MTUS2: variants seen among roughly 807,000 people sequenced by gnomAD.
MTUS2 encodes microtubule-associated tumor suppressor candidate 2.
A neutral mutation model predicts 114.1 loss-of-function variants in MTUS2; 40 were observed. The ratio of observed to expected loss-of-function variants is 0.35; its 90% CI spans 0.27 to 0.46. The LOEUF (loss-of-function observed/expected upper bound fraction) is 0.46, where lower values mean the gene tolerates loss of function less well. MTUS2 is among the 20% of genes least tolerant of loss of function. The pLI, the probability that MTUS2 is intolerant of heterozygous loss-of-function variation, is 1.00. For missense variants in MTUS2, 1,679 were observed against 1,705.4 expected, an observed-to-expected ratio of 0.98 and a Z score of 0.27; for synonymous variants, 688 against 672.0, an observed-to-expected ratio of 1.02 and a Z score of -0.37.
At chr13:29,313,508 A>T (rs925789765) in intron 6 of MTUS2, among the ~76,000 whole-genome samples, 1 of 152,194 alleles carries the variant, frequency 6.6e-6, no homozygotes, top group Non-Finnish European at 1.5e-5. Flanking sequence ...ACATTCATCT[A>T]TAGGTTGGAG....
At chr13:29,156,952 ATATAGT>A (rs1892886925) in intron 5 of MTUS2, among the ~76,000 whole-genome samples, 1 of 152,180 alleles carries the variant, frequency 6.6e-6, no homozygotes, top group Non-Finnish European at 1.5e-5. Context: ...TGTGAATAAT[ATATAGT>A]ATTGTCTTTA....
chr13:29,282,220 A>G (rs918606881), intron 6 of MTUS2, among the ~76,000 whole-genome samples: 10 of 152,362 alleles, frequency 6.6e-5, no homozygotes, highest in African/African-American at 2.2e-4. Flanking sequence ...GCCTCCAGGA[A>G]TGAGCCCCAG....
intron 7 of MTUS2, among the ~76,000 whole-genome samples, chr13:29,328,181 C>G (rs981229369): frequency 6.6e-5 from 8 of 120,842 alleles, no homozygotes; most frequent in Admixed American, 9.8e-5. Flanking sequence ...AAATAGTATT[C>G]ATTTTCCATA....
At chr13:29,178,708 A>G (rs1276787627) in intron 5 of MTUS2, among the ~76,000 whole-genome samples, 2 of 152,178 alleles carry the variant, frequency 1.3e-5, no homozygotes, top group African/African-American at 4.8e-5. Flanking sequence ...TTTTCTCAAT[A>G]GAAATGTATT....
intron 5 of MTUS2, among the ~76,000 whole-genome samples, chr13:29,129,405 G>T (rs1278028165): frequency 2.0e-5 from 3 of 152,078 alleles, no homozygotes; most frequent in Non-Finnish European, 4.4e-5. Context: ...TGGATTCCCT[G>T]TGCAAAAGAC....
intron 5 of MTUS2, among the ~76,000 whole-genome samples, chr13:29,103,575 A>T (rs75841076): frequency 0.013 from 2,037 of 152,326 alleles, 56 homozygotes; most frequent in African/African-American, 0.047. Context: ...GTGAATGAAT[A>T]TGAAGGTCTA....
intron 2 of MTUS2, among the ~76,000 whole-genome samples, chr13:28,998,984 G>C (rs1252720220): frequency 6.6e-6 from 1 of 152,002 alleles, no homozygotes; most frequent in East Asian, 1.9e-4. Flanking sequence ...TAGAGTTTCC[G>C]GTTTTTCTGC....
At chr13:29,186,166 A>G (rs1894215542) in intron 5 of MTUS2, among the ~76,000 whole-genome samples, 1 of 152,246 alleles carries the variant, frequency 6.6e-6, no homozygotes. Flanking sequence ...GTGAGCTGTT[A>G]TCTCACCACT....
At chr13:29,136,601 A>G (rs61945869) in intron 5 of MTUS2, among the ~76,000 whole-genome samples, 6,391 of 152,274 alleles carry the variant, frequency 0.042, 188 homozygotes, top group Non-Finnish European at 0.056. Context: ...AAAGTCCAAA[A>G]GGACTGGTCT....
chr13:29,340,425 C>A (rs1901334215), intron 7 of MTUS2, among the ~76,000 whole-genome samples: 1 of 152,172 alleles, frequency 6.6e-6, no homozygotes, highest in Non-Finnish European at 1.5e-5. Context: ...AAAAACAAAT[C>A]ATTTACTCAT....
chr13:29,106,377 T>A (rs1890668658), intron 5 of MTUS2, among the ~76,000 whole-genome samples: 1 of 152,126 alleles, frequency 6.6e-6, no homozygotes. Flanking sequence ...GCCTGCTGAT[T>A]TTTTGGAGAC....
At chr13:29,003,510 C>G (rs1346954859) in intron 2 of MTUS2, among the ~76,000 whole-genome samples, 3 of 152,172 alleles carry the variant, frequency 2.0e-5, no homozygotes, top group Non-Finnish European at 4.4e-5. Flanking sequence ...ACTTCGTGTC[C>G]TAATTCAAGT....
chr13:29,444,151 C>T (rs1753991813), intron 9 of MTUS2, among the ~76,000 whole-genome samples: 1 of 152,156 alleles, frequency 6.6e-6, no homozygotes. Context: ...GGACTGAGCA[C>T]AGCGGCTCAC....
intron 5 of MTUS2, among the ~76,000 whole-genome samples, chr13:29,143,364 G>A (rs575941212): frequency 6.6e-6 from 1 of 152,042 alleles, no homozygotes; most frequent in African/African-American, 2.4e-5. Flanking sequence ...TCTAAATTTG[G>A]TGCTCCATAT....
At chr13:29,475,153 A>G (rs745648874) in intron 9 of MTUS2, among the ~76,000 whole-genome samples, 1 of 152,218 alleles carries the variant, frequency 6.6e-6, no homozygotes, top group Non-Finnish European at 1.5e-5. Flanking sequence ...GACCTCATGT[A>G]CAAAGGTGGT....
intron 1 of MTUS2, among the ~76,000 whole-genome samples, chr13:28,833,816 T>C (rs1481139749): frequency 6.6e-6 from 1 of 152,072 alleles, no homozygotes; most frequent in Non-Finnish European, 1.5e-5. Flanking sequence ...ATACACAGAC[T>C]GTGAGAACTA....
At chr13:29,466,802 G>A (rs762235877) in intron 9 of MTUS2, among the ~76,000 whole-genome samples, 79 of 150,594 alleles carry the variant, frequency 5.2e-4, no homozygotes, top group Non-Finnish European at 9.7e-4. Flanking sequence ...ACTTGAGCCT[G>A]GGAGGCGGAG....
chr13:29,263,793 A>G (rs899493841), intron 5 of MTUS2, among the ~76,000 whole-genome samples: 3 of 152,180 alleles, frequency 2.0e-5, no homozygotes, highest in African/African-American at 7.2e-5. Flanking sequence ...CCCATGATCT[A>G]AACACCTCCC....
At chr13:29,316,088 T>G (rs1899976474) in intron 6 of MTUS2, among the ~76,000 whole-genome samples, 1 of 151,760 alleles carries the variant, frequency 6.6e-6, no homozygotes, top group Non-Finnish European at 1.5e-5. Context: ...ACCTGGGGGG[T>G]GTGAGGGACA....
Sources: gnomAD v4.1 joint callset for allele counts (sites outside exome capture counted in the v4.1 genomes callset) on GRCh38, gnomAD v4.1.1 for gene constraint, MANE v1.5 for transcripts, NCBI Gene and HGNC (gene_info 2026-07-23, HGNC 2026-07-21) for gene names.